Variants in MACROH2A2 observed in about 807,000 individuals in gnomAD.
The protein encoded by MACROH2A2 is macroH2A.2 histone.
In MACROH2A2, 6 loss-of-function variants were observed where a neutral mutation model predicts 37.6. The ratio of observed to expected loss-of-function variants is 0.16; its 90% CI spans 0.09 to 0.32. The LOEUF is 0.32. Ranked by LOEUF, MACROH2A2 falls within the 10% of genes least tolerant of loss-of-function variation. The pLI, the probability that MACROH2A2 is intolerant of heterozygous loss-of-function variation, is 1.00. For missense variants in MACROH2A2, 290 were observed against 485.9 expected, an observed-to-expected ratio of 0.60 and a Z score of 3.79; for synonymous variants, 192 against 202.7, an observed-to-expected ratio of 0.95 and a Z score of 0.45.
At chr10:70,110,741 T>A (rs917747953) in intron 8 of MACROH2A2, among the ~76,000 whole-genome samples, 63 of 150,316 alleles carry the variant, frequency 4.2e-4, no homozygotes, top group Non-Finnish European at 7.0e-4. Flanking sequence ...AAAAAAAAAA[T>A]TTTTTTATAG....
chr10:70,073,276 C>T (rs1024646781), intron 1 of MACROH2A2, among the ~76,000 whole-genome samples: 2 of 152,224 alleles, frequency 1.3e-5, no homozygotes, highest in African/African-American at 4.8e-5. Context: ...CATACATTTA[C>T]CTAACACATA....
At chr10:70,055,791 C>T (rs1413294397) in intron 1 of MACROH2A2, among the ~76,000 whole-genome samples, 1 of 152,096 alleles carries the variant, frequency 6.6e-6, no homozygotes, top group Non-Finnish European at 1.5e-5. Context: ...CTCAGTATGT[C>T]ACCCAAAGAA....
chr10:70,065,303 C>G (rs1472438847), intron 1 of MACROH2A2, among the ~76,000 whole-genome samples: 1 of 152,112 alleles, frequency 6.6e-6, no homozygotes, highest in East Asian at 1.9e-4. Flanking sequence ...TCTCGAACTC[C>G]TGACCTTAAG....
chr10:70,059,155 T>G (rs2072035583), intron 1 of MACROH2A2, among the ~76,000 whole-genome samples: 1 of 152,054 alleles, frequency 6.6e-6, no homozygotes, highest in South Asian at 2.1e-4. Context: ...AAGTGACAGG[T>G]GGGGCTCAGA....
chr10:70,092,508 G>A (rs539010879), intron 4 of MACROH2A2, among the ~76,000 whole-genome samples: 6 of 152,282 alleles, frequency 3.9e-5, no homozygotes, highest in Non-Finnish European at 8.8e-5. Context: ...TGTTAGAGCA[G>A]CCCAGGCAGA....
intron 1 of MACROH2A2, among the ~76,000 whole-genome samples, chr10:70,055,812 G>A (rs920716199): frequency 2.0e-5 from 3 of 152,126 alleles, no homozygotes; most frequent in East Asian, 1.9e-4. Flanking sequence ...GCAGGCATCC[G>A]TGAGCTCAGC....
At position 70,109,163 on chromosome 10, in the gene MACROH2A2, C is replaced by A. The variant is rs775616970; in HGVS notation, c.909C>A (p.Asp303Glu). The change falls in exon 8 of 9, where the codon GAC becomes GAA. Residue 303 changes from aspartate to glutamate, a missense_variant. Physicochemically the swap from Asp to Glu is conservative, Grantham distance 45. Transcript: ENST00000373255. ...AAAACTGCCTGTCAGCGGCGGAGGA[C>A]AAGAAGCTAAAGTCCGTCGCGTTCC... is the stretch of plus-strand genomic sequence containing the variant. ...TIKNCLSAAE[D>E]KKLKSVAFPP... 5.0e-6 allele frequency: 8 copies of A among 1,614,182 alleles called. No homozygotes were observed. The highest frequency in any genetic ancestry group is 6.8e-6 in the Non-Finnish European group (8 of 1,179,996).
chr10:70,106,666 C>T (rs1011525794), intron 7 of MACROH2A2, among the ~76,000 whole-genome samples: 1 of 151,774 alleles, frequency 6.6e-6, no homozygotes, highest in South Asian at 2.1e-4. Flanking sequence ...GGCATGGTGG[C>T]GGGTGCCTGT....
chr10:70,076,584 A>G (rs74630687), intron 2 of MACROH2A2, among the ~76,000 whole-genome samples: 3,161 of 152,278 alleles, frequency 0.021, 38 homozygotes, highest in Non-Finnish European at 0.031. Flanking sequence ...AATAAAATAT[A>G]TAAATATATA....
chr10:70,083,828 C>T (rs1280007517), intron 2 of MACROH2A2, among the ~76,000 whole-genome samples: 1 of 150,056 alleles, frequency 6.7e-6, no homozygotes, highest in Non-Finnish European at 1.5e-5. Flanking sequence ...GAACGGTTAT[C>T]ACGTTCCTAC....
intron 2 of MACROH2A2, among the ~76,000 whole-genome samples, chr10:70,076,634 C>T (rs1424424085): frequency 6.6e-6 from 1 of 152,010 alleles, no homozygotes; most frequent in Admixed American, 6.6e-5. Flanking sequence ...TGGGTAATAG[C>T]CACGAGCAAC....
chr10:70,111,287 TAATCA>T (rs1214643617), intron 8 of MACROH2A2, among the ~76,000 whole-genome samples: 1 of 152,074 alleles, frequency 6.6e-6, no homozygotes, highest in Non-Finnish European at 1.5e-5. Context: ...TAAATTAATT[TAATCA>T]AATTAAATCA....
chr10:70,093,707 C>T, intron 4 of MACROH2A2, 28 bp from the exon 5 acceptor site: 2 of 1,271,856 alleles, frequency 1.6e-6, no homozygotes, highest in Non-Finnish European at 2.3e-6. Context: ...GATTGGTTCT[C>T]ATCTTGCCTT....
In MACROH2A2 at chr10:70,069,755, G is replaced by T. The variant is rs980023625; in HGVS notation, c.-59-5845G>T. 3.3e-5 allele frequency among the ~76,000 whole-genome samples: 5 copies of T among 151,948 alleles called. 1 individual carries two copies. Among genetic ancestry groups the T allele is most frequent in the Admixed American group, 6.6e-5 (1 of 15,256 alleles). On this transcript the variant is annotated intron_variant, in intron 1 of 8. Transcript: ENST00000373255. ...AGAAAACAAATTTTCACCTTGCAAT[G>T]GTTCTTTTTAGACAGTAGGCCTACA...
intron 1 of MACROH2A2, among the ~76,000 whole-genome samples, chr10:70,069,274 C>T (rs1208958639): frequency 6.6e-6 from 1 of 152,176 alleles, no homozygotes; most frequent in African/African-American, 2.4e-5. Flanking sequence ...ATGTGCTTCC[C>T]GTTGCTGTGC....
rs1261261427 is a variant in MACROH2A2, at chr10:70,053,968, C to T, written c.-60+968C>T. Among the ~76,000 whole-genome samples the T allele has an allele frequency of 6.6e-6, 1 of 152,208 alleles. No homozygotes were observed. Among genetic ancestry groups the T allele is most frequent in the Non-Finnish European group, 1.5e-5 (1 of 68,020 alleles). On this transcript the variant is annotated intron_variant, in intron 1 of 8. Coordinates refer to ENST00000373255, the MANE Select transcript of MACROH2A2 (RefSeq NM_018649.3). This position sits in a 1 kb window ranked among gnomAD's most constrained non-coding sequence, Gnocchi z 4.8. ...GGACCAGCCCTGCCTCCCCCGGCTCCCAGCCTCCAGCCCCGGCGCACCTCA... is the reference window on the plus strand; with the variant it reads ...GGACCAGCCCTGCCTCCCCCGGCTCTCAGCCTCCAGCCCCGGCGCACCTCA...
rs2071983858 is a variant in MACROH2A2, at chr10:70,052,955, G to A, written c.-105G>A. Reference sequence around the variant, plus strand: ...GGGCCAAACCTGCGCCCGTGGAGGGGCGCGCAGAGGGCACCGGGCGCCGGG... The same window carrying A: ...GGGCCAAACCTGCGCCCGTGGAGGGACGCGCAGAGGGCACCGGGCGCCGGG... On this transcript the variant is annotated 5_prime_UTR_variant, in exon 1 of 9. Transcript: ENST00000373255. The A allele has an allele frequency of 6.6e-6, 1 of 152,528 alleles. No homozygotes were observed. The highest frequency in any genetic ancestry group is 1.5e-5 in the Non-Finnish European group (1 of 68,222). 9.4% of individuals were successfully genotyped at this position (152,528 alleles called of 1,614,324 possible). A position where few individuals can be genotyped will look rare whatever the true frequency, so the allele number is the denominator to read the frequency against.
intron 1 of MACROH2A2, among the ~76,000 whole-genome samples, chr10:70,059,604 C>T (rs1311899617): frequency 6.6e-6 from 1 of 152,134 alleles, no homozygotes; most frequent in East Asian, 1.9e-4. Context: ...CTCCTGACCT[C>T]AAGTGATCCT....
intron 1 of MACROH2A2, among the ~76,000 whole-genome samples, chr10:70,055,713 C>T (rs567157331): frequency 2.6e-5 from 4 of 152,226 alleles, no homozygotes; most frequent in African/African-American, 9.6e-5. Flanking sequence ...TTGATATAAC[C>T]AATTGGAAGA....
Sources: allele counts gnomAD v4.1 joint callset (sites outside exome capture counted in the v4.1 genomes callset), GRCh38; gene constraint gnomAD v4.1.1; non-coding constraint Gnocchi (gnomAD v3.1); transcripts MANE v1.5; gene names NCBI Gene and HGNC (gene_info 2026-07-23, HGNC 2026-07-21).